ARAP2: variants seen among roughly 807,000 people sequenced by gnomAD.
ARAP2 encodes the protein arf-GAP with Rho-GAP domain, ANK repeat and PH domain-containing protein 2.
A neutral mutation model predicts 194.5 loss-of-function variants in ARAP2; 148 were observed. The observed-to-expected ratio is 0.76, with a 90% CI of 0.67 to 0.87. The LOEUF is 0.87. Ranked by LOEUF, ARAP2 falls within the 40% of genes least tolerant of loss-of-function variation. The pLI, the probability that ARAP2 is intolerant of heterozygous loss-of-function variation, is 0.00. For synonymous variants in ARAP2, 695 were observed against 683.5 expected (o/e 1.02, Z -0.26); for missense variants, 2,128 against 1,989.7 (o/e 1.07, Z -1.32).
At chr4:36,193,261 C>T (rs1448803829) in intron 7 of ARAP2, among the ~76,000 whole-genome samples, 1 of 152,134 alleles carries the variant, frequency 6.6e-6, no homozygotes, top group Admixed American at 6.5e-5. Context: ...GGCTAAATAT[C>T]TATTAGAGCC....
chr4:36,228,469 T>C, intron 2 of ARAP2, 113 bp downstream of exon 2: 1 of 1,112,860 alleles, frequency 9.0e-7, no homozygotes. Context: ...GTTGGTTGAA[T>C]AGGTAAATGA....
At position 36,187,659 on chromosome 4, in the gene ARAP2, C is replaced by T. The variant is rs895130351; in HGVS notation, c.1558-88G>A. 4 of 1,165,646 alleles carry T rather than the reference C, an allele frequency of 3.4e-6. No homozygotes were observed. The Admixed American group carries it at 8.8e-5, about 26-fold the overall frequency. 72.2% of individuals were successfully genotyped at this position (1,165,646 alleles called of 1,614,324 possible). A position where few individuals can be genotyped will look rare whatever the true frequency, so the allele number is the denominator to read the frequency against. On this transcript the variant is annotated intron_variant, in intron 7 of 32. Coordinates refer to ENST00000303965, the MANE Select transcript of ARAP2 (RefSeq NM_015230.4). ...AAGAATGGCACAGTATTTATAACTG[C>T]TTCTCTTTATAATTTCAATCCAAAT...
intron 31 of ARAP2, among the ~76,000 whole-genome samples, chr4:36,074,464 ATT>A (rs1362314506): frequency 1.3e-5 from 2 of 152,170 alleles, no homozygotes; most frequent in African/African-American, 2.4e-5. Context: ...AGAAAGGTTA[ATT>A]TGGATGGGGA....
intron 1 of ARAP2, among the ~76,000 whole-genome samples, chr4:36,231,423 C>T (rs1354383447): frequency 6.6e-6 from 1 of 151,922 alleles, no homozygotes; most frequent in Non-Finnish European, 1.5e-5. Flanking sequence ...TCAGATAAGC[C>T]ACTCTTTTTC....
intron 6 of ARAP2, among the ~76,000 whole-genome samples, chr4:36,204,987 CAAAAAAAAAAAAAAA>C (rs754960122): frequency 8.6e-5 from 3 of 35,086 alleles, no homozygotes; most frequent in Non-Finnish European, 1.4e-4. Context: ...GACTCCATCT[CAAAAAAAAAAAAAAA>C]AAAAAAAAAA....
chr4:36,132,226 T>C (rs1485291207), intron 20 of ARAP2, among the ~76,000 whole-genome samples: 1 of 151,726 alleles, frequency 6.6e-6, no homozygotes, highest in Non-Finnish European at 1.5e-5. Flanking sequence ...CACCACTGTG[T>C]TTCTAAGAGT....
intron 27 of ARAP2, among the ~76,000 whole-genome samples, chr4:36,092,628 G>T (rs554117776): frequency 1.3e-5 from 2 of 151,918 alleles, no homozygotes; most frequent in Admixed American, 6.6e-5. Context: ...TAATAAAAAA[G>T]AATATATCAC....
intron 26 of ARAP2, among the ~76,000 whole-genome samples, chr4:36,112,533 A>G (rs1165193971): frequency 2.6e-5 from 4 of 151,942 alleles, no homozygotes; most frequent in Non-Finnish European, 4.4e-5. Context: ...AAATATAACA[A>G]AGCTGGTAAC....
chr4:36,216,428 T>G (rs1471659189), intron 2 of ARAP2, among the ~76,000 whole-genome samples: 1 of 151,980 alleles, frequency 6.6e-6, no homozygotes, highest in Non-Finnish European at 1.5e-5. Flanking sequence ...TGGCAGCAAA[T>G]AAACAAACAA....
In ARAP2 at chr4:36,119,637, T is replaced by A; in HGVS notation, c.3963+13A>T. On this transcript the variant is annotated intron_variant, in intron 24 of 32. Transcript: ENST00000303965. ...TTGTTTAATTATTTAGAGATCTAAC[T>A]ATTACTACTCACTTGGGTGTCTTTC... The A allele has an allele frequency of 1.3e-6, 2 of 1,563,080 alleles. No homozygotes were observed. Among genetic ancestry groups the A allele is most frequent in the Non-Finnish European group, 1.8e-6 (2 of 1,136,572 alleles).
chr4:36,125,851 C>G (rs936708832), intron 21 of ARAP2, among the ~76,000 whole-genome samples: 3 of 151,982 alleles, frequency 2.0e-5, no homozygotes, highest in Non-Finnish European at 4.4e-5. Context: ...TATTTCCTCT[C>G]AATTCGCAAC....
At chr4:36,041,501 A>C (rs1720859911) in intron 5 of ARAP2, among the ~76,000 whole-genome samples, 1 of 152,214 alleles carries the variant, frequency 6.6e-6, no homozygotes, top group African/African-American at 2.4e-5. Context: ...CACTAATGAG[A>C]ATGGCTATTA....
rs752780473 is a variant in ARAP2 at position 36,148,470 on chromosome 4, G to A, written c.2935C>T (p.Arg979Cys). ...GTTTCAGCTCCAAATAAAAACACAC[G>A]TTCGGAGGGTAAGTAGATCTCAAAG... is the stretch of plus-strand genomic sequence containing the variant. ...FIFEIYLPSE[R>C]VFLFGAETSQ... The change falls in exon 17 of 33, where the codon CGT becomes TGT. Residue 979 changes from arginine to cysteine, a missense_variant. Physicochemically the swap from Arg to Cys is radical, Grantham distance 180. Transcript: ENST00000303965. 2.4e-5 allele frequency: 38 copies of A among 1,613,000 alleles called. No individual in the cohort carries two copies. In the Admixed American group the frequency reaches 4.5e-4, roughly 19 times the overall value.
rs1378229496 is a variant in ARAP2 at position 36,160,578 on chromosome 4, C to T, written c.2323G>A (p.Glu775Lys). The change falls in exon 13 of 33, where the codon GAA (glutamate) becomes AAA (lysine). Residue 775 changes from glutamate to lysine, a missense_variant. By Grantham distance (56) the Glu-to-Lys change is moderately conservative. Transcript: ENST00000303965. The stretch of plus-strand genomic sequence containing the variant: ...ACTGGTGAGTCCATATGTAATTCTT[C>T]ATCCTTTTGAAGATTACCAGCCCAA... ...DFWAGNLQKD[E>K]ELHMDSPVEK... 1.3e-6 allele frequency: 2 copies of T among 1,538,124 alleles called. No individual in the cohort carries two copies. The highest frequency in any genetic ancestry group is 1.7e-6 in the Non-Finnish European group (2 of 1,152,584).
At chr4:36,234,580 G>C (rs570496461) in intron 1 of ARAP2, among the ~76,000 whole-genome samples, 2 of 152,272 alleles carry the variant, frequency 1.3e-5, no homozygotes, top group South Asian at 2.1e-4. Context: ...CAGACAACTT[G>C]TGTTGAATTC....
intron 32 of ARAP2, among the ~76,000 whole-genome samples, chr4:36,073,453 A>G (rs186122811): frequency 6.6e-6 from 1 of 152,254 alleles, no homozygotes; most frequent in African/African-American, 2.4e-5. Context: ...TGGCTACTTT[A>G]GAGGTAAGAA....
chr4:36,104,360 G>T (rs1013220305), intron 27 of ARAP2, among the ~76,000 whole-genome samples: 6 of 151,876 alleles, frequency 4.0e-5, no homozygotes, highest in African/African-American at 9.7e-5. Flanking sequence ...CAATGACAGA[G>T]AAATCATATT....
chr4:36,179,054 A>T (rs1738618694), intron 8 of ARAP2, among the ~76,000 whole-genome samples: 1 of 152,220 alleles, frequency 6.6e-6, no homozygotes, highest in Non-Finnish European at 1.5e-5. Flanking sequence ...CACGAAAAAA[A>T]TGGGAAATAT....
intron 1 of ARAP2, among the ~76,000 whole-genome samples, chr4:36,243,209 G>A (rs1753884311): frequency 6.6e-6 from 1 of 151,828 alleles, no homozygotes; most frequent in Non-Finnish European, 1.5e-5. Context: ...GGTGTAGAGT[G>A]CTTAAGTGCA....
Sources: gnomAD v4.1 joint callset for allele counts (sites outside exome capture counted in the v4.1 genomes callset) on GRCh38, gnomAD v4.1.1 for gene constraint, MANE v1.5 for transcripts, NCBI Gene and HGNC (gene_info 2026-07-23, HGNC 2026-07-21) for gene names.